Variants in RSRC1 observed in about 807,000 individuals in gnomAD.
The protein encoded by RSRC1 is arginine and serine rich coiled-coil 1.
A neutral mutation model predicts 49.1 loss-of-function variants in RSRC1; 39 were observed. The ratio of observed to expected loss-of-function variants is 0.79; its 90% CI spans 0.61 to 1.04. RSRC1 has a LOEUF of 1.04. RSRC1 is among the 50% of genes least tolerant of loss of function. The pLI, the probability that RSRC1 is intolerant of heterozygous loss-of-function variation, is 0.00. For missense variants in RSRC1, 388 were observed against 402.4 expected (o/e 0.96, Z 0.31); for synonymous variants, 143 against 130.8 (o/e 1.09, Z -0.63).
intron 3 of RSRC1, among the ~76,000 whole-genome samples, chr3:158,177,644 A>C (rs7651712): frequency 0.016 from 2,365 of 151,392 alleles, 84 homozygotes; most frequent in African/African-American, 0.055. Flanking sequence ...GGCCTGTCAG[A>C]GTGTGGGGGG....
intron 3 of RSRC1, among the ~76,000 whole-genome samples, chr3:158,130,667 C>A (rs1055548306): frequency 6.6e-5 from 10 of 152,144 alleles, no homozygotes; most frequent in African/African-American, 9.7e-5. Context: ...ATTAAACCAT[C>A]AGAAAGCAAA....
At chr3:158,235,384 T>G (rs827125) in intron 4 of RSRC1, among the ~76,000 whole-genome samples, 93,285 of 151,874 alleles carry the variant, frequency 0.61, 29,014 homozygotes, top group East Asian at 0.73. Flanking sequence ...TCAGTGGACA[T>G]TAGTAGAAAA....
At chr3:158,362,272 T>C (rs1731519299) in intron 6 of RSRC1, among the ~76,000 whole-genome samples, 1 of 152,150 alleles carries the variant, frequency 6.6e-6, no homozygotes, top group African/African-American at 2.4e-5. Flanking sequence ...CCGAGTGAAG[T>C]CAAGGGTTCC....
intron 7 of RSRC1, among the ~76,000 whole-genome samples, chr3:158,471,734 G>A (rs1425944024): frequency 6.6e-6 from 1 of 152,154 alleles, no homozygotes; most frequent in African/African-American, 2.4e-5. Flanking sequence ...AGCTATAAAC[G>A]ACTTCTGCAG....
intron 3 of RSRC1, among the ~76,000 whole-genome samples, chr3:158,150,578 TTA>T (rs1239473857): frequency 6.6e-6 from 1 of 152,178 alleles, no homozygotes; most frequent in Non-Finnish European, 1.5e-5. Context: ...TATATTAATA[TTA>T]TGTGTTAGGG....
intron 4 of RSRC1, among the ~76,000 whole-genome samples, chr3:158,267,158 A>T (rs1725237129): frequency 6.6e-6 from 1 of 152,122 alleles, no homozygotes; most frequent in Non-Finnish European, 1.5e-5. Context: ...ATCACTTTGT[A>T]TTGGTTGTTC....
At chr3:158,249,638 A>G (rs1322930501) in intron 4 of RSRC1, among the ~76,000 whole-genome samples, 4 of 151,840 alleles carry the variant, frequency 2.6e-5, no homozygotes, top group Non-Finnish European at 4.4e-5. Flanking sequence ...GAATGTGTAG[A>G]TCTATGGTAC....
At chr3:158,278,102 C>T (rs893567390) in intron 4 of RSRC1, among the ~76,000 whole-genome samples, 5 of 152,178 alleles carry the variant, frequency 3.3e-5, no homozygotes, top group African/African-American at 1.2e-4. Context: ...CATCAAACTG[C>T]TGCCATGTGT....
At chr3:158,196,844 A>T (rs1250048348) in intron 3 of RSRC1, among the ~76,000 whole-genome samples, 1 of 152,194 alleles carries the variant, frequency 6.6e-6, no homozygotes, top group Non-Finnish European at 1.5e-5. Flanking sequence ...CATCCCAGGG[A>T]TGAAGCCCAC....
At chr3:158,159,907 T>C (rs1483413839) in intron 3 of RSRC1, among the ~76,000 whole-genome samples, 2 of 152,098 alleles carry the variant, frequency 1.3e-5, no homozygotes. Context: ...TTATCTTTGC[T>C]TAATGCCATG....
intron 7 of RSRC1, among the ~76,000 whole-genome samples, chr3:158,510,615 G>T (rs1025072934): frequency 6.6e-6 from 1 of 152,036 alleles, no homozygotes; most frequent in Non-Finnish European, 1.5e-5. Context: ...AGAAAATGGG[G>T]TACTCATCCC....
At chr3:158,510,275 T>G (rs2108472037) in intron 7 of RSRC1, among the ~76,000 whole-genome samples, 1 of 152,338 alleles carries the variant, frequency 6.6e-6, no homozygotes, top group South Asian at 2.1e-4. Context: ...TTATTCAGGT[T>G]TTTAATTACA....
At chr3:158,309,437 A>G (rs992507696) in intron 5 of RSRC1, among the ~76,000 whole-genome samples, 2 of 151,856 alleles carry the variant, frequency 1.3e-5, no homozygotes, top group Admixed American at 1.3e-4. Flanking sequence ...TTTTTGAACT[A>G]TGATAAAAAT....
intron 5 of RSRC1, among the ~76,000 whole-genome samples, chr3:158,318,327 T>C (rs1441903336): frequency 1.3e-5 from 2 of 152,192 alleles, no homozygotes; most frequent in Non-Finnish European, 2.9e-5. Context: ...TAGGGTATTA[T>C]GGCGTTCAGG....
At chr3:158,317,293 A>T (rs1053235578) in intron 5 of RSRC1, among the ~76,000 whole-genome samples, 2 of 152,264 alleles carry the variant, frequency 1.3e-5, no homozygotes, top group East Asian at 3.9e-4. Context: ...TAGTGGCGTG[A>T]TCTCGGCTCA....
At chr3:158,121,839 T>A (rs895398736) in intron 1 of RSRC1, among the ~76,000 whole-genome samples, 34 of 152,244 alleles carry the variant, frequency 2.2e-4, no homozygotes, top group Admixed American at 6.5e-4. Flanking sequence ...TACAAAGTTT[T>A]ATAAAAAGTA....
chr3:158,183,085 A>C (rs1730029), intron 3 of RSRC1, among the ~76,000 whole-genome samples: 99,726 of 151,948 alleles, frequency 0.66, 32,974 homozygotes, highest in East Asian at 0.84. Context: ...CTAATTCTTT[A>C]CACAAATCTG....
chr3:158,335,981 C>T (rs548370926), intron 5 of RSRC1, among the ~76,000 whole-genome samples: 206 of 152,308 alleles, frequency 1.4e-3, no homozygotes, highest in African/African-American at 4.8e-3. Flanking sequence ...AGCATCCTCT[C>T]AGTCAGGCTG....
At chr3:158,425,949 G>T (rs1034091660) in intron 6 of RSRC1, among the ~76,000 whole-genome samples, 2 of 151,668 alleles carry the variant, frequency 1.3e-5, no homozygotes, top group African/African-American at 2.4e-5. Flanking sequence ...AATTAAAATG[G>T]TGTCATCAAT....
Sources: allele counts gnomAD v4.1 joint callset (sites outside exome capture counted in the v4.1 genomes callset), GRCh38; gene constraint gnomAD v4.1.1; transcripts MANE v1.5; gene names NCBI Gene and HGNC (gene_info 2026-07-23, HGNC 2026-07-21).